HEATR6: variants seen among roughly 807,000 people sequenced by gnomAD.
The protein encoded by HEATR6 is HEAT repeat-containing protein 6.
A neutral mutation model predicts 132.8 loss-of-function variants in HEATR6; 106 were observed. That is an observed-to-expected ratio of 0.80 (90% CI 0.68 to 0.94). The LOEUF (loss-of-function observed/expected upper bound fraction) is 0.94, where lower values mean the gene tolerates loss of function less well. Ranked by LOEUF, HEATR6 falls within the 40% of genes least tolerant of loss-of-function variation. The probability of loss-of-function intolerance (pLI) is 0.00; values close to 1 mark genes in which losing one functional copy is unlikely to be tolerated. For missense variants in HEATR6, 1,339 were observed against 1,425.1 expected (o/e 0.94, Z 0.97); for synonymous variants, 529 against 537.8 (o/e 0.98, Z 0.23).
chr17:60,072,279 TG>T lies in HEATR6; in HGVS notation c.634del (p.Gln212LysfsTer4), dbSNP rs1334805268. The stretch of plus-strand genomic sequence containing the variant: ...AGACTGTAAAATAGTCAGAAAAGCT[TG>T]GAAACAGACATTTTGGTAGGGCTCC... Reference protein sequence around the residue: ...LEEPYQNVCFQAFLTILQSPK... With the variant: ...LEEPYQNVCFXAFLTILQSPK... On this transcript the variant is annotated frameshift_variant, in exon 5 of 20. Transcript: ENST00000184956. LOFTEE classifies it high-confidence loss of function. The T allele has an allele frequency of 6.2e-7, 1 of 1,611,890 alleles. No homozygotes were observed. The highest frequency in any genetic ancestry group is 2.2e-5 in the East Asian group (1 of 44,818).
At chr17:60,065,199 T>C (rs551711247) in intron 9 of HEATR6, among the ~76,000 whole-genome samples, 1 of 152,334 alleles carries the variant, frequency 6.6e-6, no homozygotes, top group South Asian at 2.1e-4. Context: ...TAAGGAGTAT[T>C]TGAAATACCC....
chr17:60,070,664 T>C, intron 6 of HEATR6, 42 bp downstream of exon 6: 1 of 1,168,286 alleles, frequency 8.6e-7, no homozygotes, highest in Non-Finnish European at 1.3e-6. Flanking sequence ...GTACCATGGG[T>C]TGAAACAGGA....
Position 60,044,127 on chromosome 17 carries a change from G to A in HEATR6, c.2982C>T (p.Ala994=). 6.2e-7 allele frequency: 1 copy of A among 1,605,506 alleles called. No homozygotes were observed. The highest frequency in any genetic ancestry group is 8.5e-7 in the Non-Finnish European group (1 of 1,175,840). Residue 994 remains alanine (A), a synonymous_variant, in exon 20 of 20, where the codon GCC becomes GCT. Transcript: ENST00000184956. The stretch of plus-strand genomic sequence containing the variant: ...CATTGTAGGCCTGGGAGGTCCATGG[G>A]GCTGTCCCTAGAAAGAATCCACAGT... ...FKNPALPLGT[A]PWTSQAYNAL...
chr17:60,076,518 T>C (rs1369968421), intron 1 of HEATR6: 3 of 311,168 alleles, frequency 9.6e-6, no homozygotes, highest in Non-Finnish European at 1.8e-5. Context: ...TTGGGCAACA[T>C]AGTGAGACTC....
chr17:60,069,379 C>G lies in HEATR6; in HGVS notation c.939+332G>C, dbSNP rs142396467. Among the ~76,000 whole-genome samples, 773 of 152,300 alleles carry G rather than the reference C, an allele frequency of 5.1e-3. 3 individuals are homozygous for G. The highest frequency in any genetic ancestry group is 0.014 in the Middle Eastern group (4 of 292). ...TAGAGTTGGTAGTTATGACAGAGACCTGAAGTATTTACTAGCCTAGTAGAG... is the reference window on the plus strand; with the variant it reads ...TAGAGTTGGTAGTTATGACAGAGACGTGAAGTATTTACTAGCCTAGTAGAG... On this transcript the variant is annotated intron_variant, in intron 7 of 19. Transcript: ENST00000184956.
In HEATR6 at chr17:60,048,480, T is replaced by G. The variant is rs1906447178; in HGVS notation, c.2548-92A>C. On this transcript the variant is annotated intron_variant, in intron 16 of 19. Transcript: ENST00000184956. ...TTATTTTCAGATAAAGCTAGAAGCCTTCATGCACATTTCTACTTAGAAATA... is the reference window on the plus strand; with the variant it reads ...TTATTTTCAGATAAAGCTAGAAGCCGTCATGCACATTTCTACTTAGAAATA... 1.9e-5 allele frequency: 23 copies of G among 1,196,590 alleles called. 1 individual carries two copies. In the South Asian group the frequency reaches 3.9e-4, roughly 20 times the overall value. The allele number at this position is 1,196,590 out of a possible 1,614,324, so 74.1% of individuals were successfully genotyped here. A position where few individuals can be genotyped will look rare whatever the true frequency, so the allele number is the denominator to read the frequency against.
At position 60,072,319 on chromosome 17, in the gene HEATR6, G is replaced by A. The variant is rs903684109; in HGVS notation, c.595C>T (p.Gln199Ter). ...TGGTAGGGCTCCTCCAAATACGGCT[G>A]TCCTGGCACACTAAACGCATACAGA... ...MANLCLSVPG[Q>*]PYLEEPYQNV... is the part of the protein sequence containing the mutation. The change falls in exon 5 of 20, where the codon CAG becomes TAG. Residue 199 changes from glutamine (Q) to a stop codon, truncating the protein, a stop_gained. Coordinates refer to ENST00000184956, the MANE Select transcript of HEATR6 (RefSeq NM_022070.5). LOFTEE classifies it high-confidence loss of function. The A allele has an allele frequency of 1.2e-6, 2 of 1,600,536 alleles. No individual in the cohort carries two copies. Among genetic ancestry groups the A allele is most frequent in the East Asian group, 2.2e-5 (1 of 44,710 alleles).
chr17:60,073,995 T>C lies in HEATR6; in HGVS notation c.328-109A>G. On this transcript the variant is annotated intron_variant, in intron 2 of 19. Transcript: ENST00000184956. ...AGCTGTATAAAAGAGAGAGTGTGTG[T>C]CTGTCGTTTATGTGTCAAAAGGATC... 2.8e-6 allele frequency: 4 copies of C among 1,444,132 alleles called. No homozygotes were observed. The East Asian group carries it at 7.7e-5, about 28-fold the overall frequency. 89.5% of individuals were successfully genotyped at this position (1,444,132 alleles called of 1,614,324 possible).
Position 60,076,242 on chromosome 17 carries a change from C to CA in HEATR6, c.220-6dup, listed in dbSNP as rs761478826. ...GACAAGAAGAGCACTAACGTCCTAC[C>CA]AAAAAAAAAAAGATAAGAGGTAAAA... On this transcript the variant is annotated splice_region_variant and splice_polypyrimidine_tract_variant and intron_variant, in intron 1 of 19. Transcript: ENST00000184956. The CA allele has an allele frequency of 0.052, 57,044 of 1,092,016 alleles. No individual in the cohort carries two copies. The highest frequency in any genetic ancestry group is 0.065 in the South Asian group (3,617 of 55,798). The allele number at this position is 1,092,016 out of a possible 1,614,324, so 67.6% of individuals were successfully genotyped here.
chr17:60,047,215 T>A, intron 18 of HEATR6, 94 bp downstream of exon 18: 1 of 782,180 alleles, frequency 1.3e-6, no homozygotes, highest in South Asian at 1.8e-5. Flanking sequence ...GGTGGGACAG[T>A]CTGAGGAACA....
At chr17:60,047,462 C>T in intron 17 of HEATR6, 57 bp from the exon 18 acceptor site, 4 of 955,236 alleles carry the variant, frequency 4.2e-6, no homozygotes, top group Non-Finnish European at 6.5e-6. Context: ...TAAATATATA[C>T]ATATAGAAAT....
intron 9 of HEATR6, 75 bp downstream of exon 9, chr17:60,066,134 A>G: frequency 7.9e-7 from 1 of 1,259,336 alleles, no homozygotes; most frequent in Non-Finnish European, 1.1e-6. Context: ...ATCAGACAGG[A>G]TAAGGCAGAG....
rs1366529598 is a variant in HEATR6, at chr17:60,057,401, C to T, written c.1726G>A (p.Val576Ile). ...GTGAGACTTGACACACGAACATTAA[C>T]ATCTGTCAAAGGAAGCAGTAAGAAC... ...QIKPYIRHKD[V>I]NVRVSSLTLL... is the part of the protein sequence containing the mutation. Residue 576 changes from valine (V) to isoleucine (I), a missense_variant and splice_region_variant, in exon 12 of 20, where the codon GTT becomes ATT. By Grantham distance (29) the Val-to-Ile change is conservative. Coordinates refer to ENST00000184956, the MANE Select transcript of HEATR6 (RefSeq NM_022070.5). 1.3e-6 allele frequency: 2 copies of T among 1,580,008 alleles called. No homozygotes were observed. The highest frequency in any genetic ancestry group is 1.2e-5 in the South Asian group (1 of 86,714).
At position 60,066,220 on chromosome 17, in the gene HEATR6, G is replaced by A; in HGVS notation, c.1405C>T (p.Pro469Ser). Residue 469 changes from proline (P) to serine (S), a missense_variant, in exon 9 of 20, where the codon CCT becomes TCT. Coordinates refer to ENST00000184956, the MANE Select transcript of HEATR6 (RefSeq NM_022070.5). ...TTAAATTCTCTTACCTTTGGAGAAG[G>A]GTCTTTCAATGTAAGAGTCATCAAG... is the stretch of plus-strand genomic sequence containing the variant. ...VSLMTLTLKDPSPKTRACALQ... is the reference protein window; with the variant it reads ...VSLMTLTLKDSSPKTRACALQ... 6.2e-7 allele frequency: 1 copy of A among 1,611,520 alleles called. No homozygotes were observed.
intron 14 of HEATR6, 93 bp downstream of exon 14, chr17:60,055,422 A>G: frequency 1.3e-6 from 1 of 748,374 alleles, no homozygotes; most frequent in East Asian, 2.6e-5. Flanking sequence ...ACTGGAAGAA[A>G]CCATATCATC....
At chr17:60,067,386 C>T (rs1218067292) in intron 8 of HEATR6, 48 bp downstream of exon 8, 1 of 1,337,220 alleles carries the variant, frequency 7.5e-7, no homozygotes, top group Non-Finnish European at 1.0e-6. Flanking sequence ...TATAAACTTA[C>T]ATGCAACTTA....
Position 60,048,395 on chromosome 17 carries a change from CACAAA to C in HEATR6, c.2548-12_2548-8del. On this transcript the variant is annotated splice_polypyrimidine_tract_variant and splice_region_variant and intron_variant, in intron 16 of 19. Transcript: ENST00000184956. ...CTGCAACAAATATGACATCCTGTAA[CACAAA>C]ACAAAACACTGCAGTTACTTTAGCA... The C allele has an allele frequency of 1.2e-6, 2 of 1,609,082 alleles. No homozygotes were observed. Among genetic ancestry groups the C allele is most frequent in the East Asian group, 2.2e-5 (1 of 44,800 alleles).
intron 2 of HEATR6, among the ~76,000 whole-genome samples, chr17:60,075,110 G>A (rs1430973276): frequency 4.6e-5 from 7 of 152,142 alleles, no homozygotes; most frequent in African/African-American, 1.7e-4. Context: ...AGAGTTCATG[G>A]GACACGTTTC....
chr17:60,073,951 T>C, intron 2 of HEATR6, 65 bp from the exon 3 acceptor site: 2 of 1,557,700 alleles, frequency 1.3e-6, no homozygotes, highest in East Asian at 2.3e-5. Flanking sequence ...TTTATGGACA[T>C]GTATGCTCAC....
Sources: allele counts gnomAD v4.1 joint callset (sites outside exome capture counted in the v4.1 genomes callset), GRCh38; gene constraint gnomAD v4.1.1; transcripts MANE v1.5; gene names NCBI Gene and HGNC (gene_info 2026-07-23, HGNC 2026-07-21).